LTBP1: variants seen among roughly 807,000 people sequenced by gnomAD.
LTBP1 encodes the protein latent transforming growth factor beta binding protein 1.
In LTBP1, 129 loss-of-function variants were observed where a neutral mutation model predicts 207.6. The observed-to-expected ratio is 0.62, with a 90% CI of 0.54 to 0.72. LTBP1 has a LOEUF of 0.72. Among genes scored for constraint, LTBP1 ranks in the 30% least tolerant of loss-of-function variants. The pLI is 0.00. For missense variants in LTBP1, 2,281 were observed against 2,217.2 expected (o/e 1.03, Z -0.58); for synonymous variants, 963 against 833.7 (o/e 1.16, Z -2.67).
intron 24 of LTBP1, among the ~76,000 whole-genome samples, chr2:33,333,869 GA>G (rs540580970): frequency 2.3e-4 from 35 of 151,990 alleles, no homozygotes; most frequent in African/African-American, 7.0e-4. Context: ...CATAGAATGA[GA>G]AAAAAAGAAG....
At chr2:33,181,553 A>T (rs527849423) in intron 5 of LTBP1, among the ~76,000 whole-genome samples, 41 of 152,330 alleles carry the variant, frequency 2.7e-4, no homozygotes, top group Non-Finnish European at 2.9e-5. Context: ...CACTTTCTGG[A>T]GTAACAGGCT....
intron 2 of LTBP1, among the ~76,000 whole-genome samples, chr2:32,969,542 G>C (rs1482375855): frequency 2.6e-5 from 4 of 152,042 alleles, no homozygotes; most frequent in Admixed American, 2.6e-4. Context: ...TTCTGTTACT[G>C]TATTAGTTCA....
chr2:33,050,462 C>T (rs2076678207), intron 3 of LTBP1, among the ~76,000 whole-genome samples: 1 of 151,964 alleles, frequency 6.6e-6, no homozygotes, highest in African/African-American at 2.4e-5. Flanking sequence ...AGAAAGAGTA[C>T]ACACAACTCA....
intron 7 of LTBP1, among the ~76,000 whole-genome samples, chr2:33,192,698 A>G (rs1160478539): frequency 6.6e-6 from 1 of 152,206 alleles, no homozygotes; most frequent in Non-Finnish European, 1.5e-5. Context: ...GTCTTAGTCC[A>G]TTTTGTGTTG....
intron 3 of LTBP1, among the ~76,000 whole-genome samples, chr2:33,095,942 CA>C (rs1254566667): frequency 6.6e-6 from 1 of 151,840 alleles, no homozygotes; most frequent in Admixed American, 6.6e-5. Context: ...AAGAAGAGAG[CA>C]AATGTAACAA....
At chr2:33,248,063 C>T (rs2092566597) in intron 10 of LTBP1, among the ~76,000 whole-genome samples, 1 of 152,220 alleles carries the variant, frequency 6.6e-6, no homozygotes, top group Non-Finnish European at 1.5e-5. Flanking sequence ...TTTCTACCTT[C>T]TCTGTGGCCA....
intron 2 of LTBP1, among the ~76,000 whole-genome samples, chr2:32,959,042 G>A (rs556966369): frequency 2.6e-5 from 4 of 152,278 alleles, no homozygotes; most frequent in African/African-American, 9.6e-5. Context: ...ACTATTCCCT[G>A]TGGCTTTTTT....
chr2:33,137,251 G>A (rs148527612), intron 5 of LTBP1, among the ~76,000 whole-genome samples: 15 of 151,874 alleles, frequency 9.9e-5, no homozygotes, highest in African/African-American at 3.4e-4. Flanking sequence ...TTCTCTCTTT[G>A]TACTTGTTTA....
At chr2:33,005,594 CTTTTT>C (rs57363701) in intron 2 of LTBP1, among the ~76,000 whole-genome samples, 1 of 132,926 alleles carries the variant, frequency 7.5e-6, no homozygotes, top group African/African-American at 2.8e-5. Context: ...TAAGCTCTAC[CTTTTT>C]TTTTTTTTTT....
chr2:33,244,409 T>C (rs1021035254), intron 10 of LTBP1, among the ~76,000 whole-genome samples: 3 of 152,230 alleles, frequency 2.0e-5, no homozygotes, highest in African/African-American at 7.2e-5. Flanking sequence ...CCCTTGTTTC[T>C]GATAAGGGTA....
At chr2:33,243,898 T>C in intron 10 of LTBP1, 114 bp downstream of exon 10, 3 of 1,196,720 alleles carry the variant, frequency 2.5e-6, no homozygotes, top group Non-Finnish European at 3.5e-6. Flanking sequence ...CAGGAAAACC[T>C]CATTAATTAA....
chr2:33,046,978 TTG>T (rs1353017000), intron 3 of LTBP1, among the ~76,000 whole-genome samples: 3 of 152,162 alleles, frequency 2.0e-5, no homozygotes, highest in East Asian at 1.9e-4. Context: ...TCATTTTTTA[TTG>T]TGTCTATTTG....
chr2:33,347,217 C>T (rs2094716067), intron 25 of LTBP1, 150 bp from the exon 26 acceptor site: 7 of 725,562 alleles, frequency 9.6e-6, no homozygotes, highest in African/African-American at 3.6e-5. Flanking sequence ...CTTAAAGAGC[C>T]CCTTCCCTAA....
At chr2:33,254,345 G>GTT (rs1237064347) in intron 11 of LTBP1, among the ~76,000 whole-genome samples, 7 of 151,652 alleles carry the variant, frequency 4.6e-5, no homozygotes, top group African/African-American at 1.7e-4. Flanking sequence ...TAAGTTCAGG[G>GTT]GTAAAAGTGG....
intron 12 of LTBP1, among the ~76,000 whole-genome samples, chr2:33,258,897 AG>A (rs1362062059): frequency 6.6e-6 from 1 of 152,206 alleles, no homozygotes; most frequent in African/African-American, 2.4e-5. Flanking sequence ...ACTAATATGA[AG>A]GACTGATTAA....
chr2:33,374,331 A>G (rs1021709465), intron 31 of LTBP1, among the ~76,000 whole-genome samples: 2 of 152,190 alleles, frequency 1.3e-5, no homozygotes, highest in Non-Finnish European at 2.9e-5. Flanking sequence ...CACTGGGCAC[A>G]TTACTTCAAC....
intron 3 of LTBP1, among the ~76,000 whole-genome samples, chr2:33,087,431 AT>A (rs1419622629): frequency 1.3e-5 from 2 of 152,228 alleles, no homozygotes; most frequent in African/African-American, 2.4e-5. Flanking sequence ...TCCTCTCAAA[AT>A]AATGGTTTCC....
chr2:33,301,451 C>G, intron 21 of LTBP1, 71 bp from the exon 22 acceptor site: 1 of 1,441,566 alleles, frequency 6.9e-7, no homozygotes, highest in Middle Eastern at 1.9e-4. Flanking sequence ...TTACACTGAT[C>G]CAATTGAGAC....
Position 33,110,601 on chromosome 2 carries a change from C to A in LTBP1, c.883C>A (p.Gln295Lys), listed in dbSNP as rs371301676. 7.4e-6 allele frequency: 12 copies of A among 1,613,138 alleles called. No individual in the cohort carries two copies. The highest frequency in any genetic ancestry group is 1.0e-5 in the Non-Finnish European group (12 of 1,179,568). The change falls in exon 4 of 34, where the codon CAG becomes AAG. Residue 295 changes from glutamine to lysine, a missense_variant. Coordinates refer to ENST00000404816, the MANE Select transcript of LTBP1 (RefSeq NM_206943.4). ...TCCCAGAGTGACTCCTCTTTCTTCC[C>A]AGAGTGTGGTGATTCACCATGGCCA... ...IHSQVTPLSS[Q>K]SVVIHHGQTQ...
Sources: allele counts gnomAD v4.1 joint callset (sites outside exome capture counted in the v4.1 genomes callset), GRCh38; gene constraint gnomAD v4.1.1; transcripts MANE v1.5; gene names NCBI Gene and HGNC (gene_info 2026-07-23, HGNC 2026-07-21).